Variants in ANKHD1 observed in about 807,000 individuals in gnomAD.
ANKHD1 encodes ankyrin repeat and KH domain-containing protein 1.
A neutral mutation model predicts 230.5 loss-of-function variants in ANKHD1; 31 were observed. The observed-to-expected ratio is 0.13, with a 90% CI of 0.10 to 0.18. The LOEUF is 0.18. Ranked by LOEUF, ANKHD1 falls within the 10% of genes least tolerant of loss-of-function variation. The pLI, the probability that ANKHD1 is intolerant of heterozygous loss-of-function variation, is 1.00. For synonymous variants in ANKHD1, 1,074 were observed against 1,117.6 expected (o/e 0.96, Z 0.78); for missense variants, 2,256 against 3,071.3 (o/e 0.73, Z 6.27).
intron 11 of ANKHD1, among the ~76,000 whole-genome samples, chr5:140,483,452 C>CTTTTTTTT (rs369245406): frequency 9.0e-6 from 1 of 110,610 alleles, no homozygotes; most frequent in Non-Finnish European, 1.9e-5. Context: ...AAGATTTTAT[C>CTTTTTTTT]TTTTTTTTTT....
Position 140,497,091 on chromosome 5 carries a change from T to C in ANKHD1, c.2817T>C (p.Ser939=), listed in dbSNP as rs750351365. The C allele has an allele frequency of 3.1e-6, 5 of 1,614,070 alleles. No individual in the cohort carries two copies. In the African/African-American group the frequency reaches 6.7e-5, roughly 22 times the overall value. Residue 939 remains serine (S), a synonymous_variant, in exon 15 of 34, where the codon AGT becomes AGC. Transcript: ENST00000360839. ...PLSSPQCNFS[S]DLGSNGTNSL... ...CATCTCCACAGTGTAACTTTTCCAGTGACTTAGGTTCTAATGGGACAAATT... is the reference window on the plus strand; with the variant it reads ...CATCTCCACAGTGTAACTTTTCCAGCGACTTAGGTTCTAATGGGACAAATT...
intron 1 of ANKHD1, among the ~76,000 whole-genome samples, chr5:140,407,929 C>T (rs1049495448): frequency 2.6e-5 from 4 of 152,136 alleles, no homozygotes; most frequent in African/African-American, 9.7e-5. Flanking sequence ...GTAATCCCAC[C>T]ACTTTGGGAG....
chr5:140,472,278 G>C, intron 10 of ANKHD1: 1 of 1,613,686 alleles, frequency 6.2e-7, no homozygotes, highest in Non-Finnish European at 8.5e-7. Context: ...GGAGGGCATA[G>C]ATCCGGCCAA....
chr5:140,469,216 C>A (rs1776317698), intron 10 of ANKHD1, among the ~76,000 whole-genome samples: 1 of 150,900 alleles, frequency 6.6e-6, no homozygotes, highest in African/African-American at 2.4e-5. Context: ...CTACAAAAAT[C>A]TTCTTGCCTG....
chr5:140,412,348 A>G (rs1318541477), intron 1 of ANKHD1, among the ~76,000 whole-genome samples: 1 of 151,990 alleles, frequency 6.6e-6, no homozygotes, highest in African/African-American at 2.4e-5. Context: ...TGTAGTTACA[A>G]GGTCTCATTA....
intron 33 of ANKHD1, 104 bp downstream of exon 33, chr5:140,539,187 T>G: frequency 6.6e-7 from 1 of 1,510,742 alleles, no homozygotes; most frequent in South Asian, 1.3e-5. Context: ...AATTGACCAT[T>G]TCGATCTGGA....
intron 1 of ANKHD1, among the ~76,000 whole-genome samples, chr5:140,403,358 G>A (rs1770145649): frequency 1.3e-5 from 2 of 152,028 alleles, no homozygotes; most frequent in African/African-American, 4.8e-5. Flanking sequence ...TTAGGTCTGA[G>A]CAACCTGGGA....
Position 140,441,085 on chromosome 5 carries a change from G to C in ANKHD1, c.856G>C (p.Asp286His). The change falls in exon 5 of 34, where the codon GAT (aspartate) becomes CAT (histidine). Residue 286 changes from aspartate to histidine, a missense_variant. By Grantham distance (81) the Asp-to-His change is moderately conservative (BLOSUM62 -1). Coordinates refer to ENST00000360839, the MANE Select transcript of ANKHD1 (RefSeq NM_017747.3). ...LMAASSGGYLDIVKLLLLHDA... is the reference protein window; with the variant it reads ...LMAASSGGYLHIVKLLLLHDA... ...GGCAGCTTCCAGTGGAGGTTACTTAGATATTGTGAAATTATTACTTCTTCA... is the reference window on the plus strand; with the variant it reads ...GGCAGCTTCCAGTGGAGGTTACTTACATATTGTGAAATTATTACTTCTTCA... The C allele has an allele frequency of 6.2e-7, 1 of 1,610,448 alleles. No homozygotes were observed. The highest frequency in any genetic ancestry group is 8.5e-7 in the Non-Finnish European group (1 of 1,178,710).
intron 14 of ANKHD1, among the ~76,000 whole-genome samples, chr5:140,494,963 G>T (rs1238601173): frequency 6.6e-6 from 1 of 152,030 alleles, no homozygotes; most frequent in African/African-American, 2.4e-5. Context: ...TTACTGAGTT[G>T]TGTAACCATC....
At chr5:140,503,738 T>C (rs1029773743) in intron 15 of ANKHD1, among the ~76,000 whole-genome samples, 1 of 151,680 alleles carries the variant, frequency 6.6e-6, no homozygotes, top group Admixed American at 6.6e-5. Context: ...CAGCTAACTT[T>C]GTGTTTTTAG....
chr5:140,403,410 C>T lies in ANKHD1; in HGVS notation c.306+1137C>T, dbSNP rs143660252. 2.0e-3 allele frequency among the ~76,000 whole-genome samples: 303 copies of T among 151,470 alleles called. 2 individuals are homozygous for T. The highest frequency in any genetic ancestry group is 3.6e-3 in the Non-Finnish European group (246 of 67,858). On this transcript the variant is annotated intron_variant, in intron 1 of 33. Transcript: ENST00000360839. ...CTTTTGGGTTCTGGGGAAAAAGGGG[C>T]GGGTTTTGTTTTTGTTTTTTGAGAT...
intron 7 of ANKHD1, among the ~76,000 whole-genome samples, chr5:140,449,748 A>G (rs1774565227): frequency 7.2e-6 from 1 of 138,884 alleles, no homozygotes; most frequent in African/African-American, 2.7e-5. Context: ...GCTTGAATGC[A>G]TCTGCTTTTG....
At position 140,535,520 on chromosome 5, in the gene ANKHD1, A is replaced by G; in HGVS notation, c.7009A>G (p.Thr2337Ala). 1.9e-6 allele frequency: 3 copies of G among 1,608,128 alleles called. No individual in the cohort carries two copies. The highest frequency in any genetic ancestry group is 2.5e-6 in the Non-Finnish European group (3 of 1,178,154). ...ACAACATTTTTCTCCCCATCCTTGG[A>G]CAAGCGCCTCAAACTCATGTAGGAA... is the stretch of plus-strand genomic sequence containing the variant. The part of the protein sequence containing the change: ...NRQHFSPHPW[T>A]SASNSSTSAP... Residue 2337 changes from threonine to alanine, a missense_variant, in exon 30 of 34, where the codon ACA (threonine) becomes GCA (alanine). Transcript: ENST00000360839.
At chr5:140,464,112 C>T (rs139865778) in intron 9 of ANKHD1, among the ~76,000 whole-genome samples, 3 of 151,710 alleles carry the variant, frequency 2.0e-5, no homozygotes, top group African/African-American at 4.8e-5. Context: ...GGCATGTGCC[C>T]GTGATACCAC....
At chr5:140,497,757 T>C (rs1445228958) in intron 15 of ANKHD1, among the ~76,000 whole-genome samples, 1 of 152,178 alleles carries the variant, frequency 6.6e-6, no homozygotes, top group East Asian at 1.9e-4. Flanking sequence ...AAACTAAGTA[T>C]TCCATATTAT....
At chr5:140,425,129 G>A (rs1382409928) in intron 1 of ANKHD1, among the ~76,000 whole-genome samples, 1 of 152,144 alleles carries the variant, frequency 6.6e-6, no homozygotes, top group Non-Finnish European at 1.5e-5. Flanking sequence ...TAAAAATGAA[G>A]TTTTTGTGTT....
At chr5:140,442,715 C>G (rs1773955800) in intron 5 of ANKHD1, among the ~76,000 whole-genome samples, 1 of 152,090 alleles carries the variant, frequency 6.6e-6, no homozygotes, top group African/African-American at 2.4e-5. Flanking sequence ...ATTGTAAGAA[C>G]ATTTCAGAAA....
In ANKHD1 at chr5:140,445,978, A is replaced by G. The variant is rs772829946; in HGVS notation, c.1147+3A>G. On this transcript the variant is annotated splice_donor_region_variant and intron_variant, in intron 6 of 33. Transcript: ENST00000360839. ...TCTAACACTTGCTTGCTACAAAGGTACTTAATACATGTATGAATATTTATA... is the reference window on the plus strand; with the variant it reads ...TCTAACACTTGCTTGCTACAAAGGTGCTTAATACATGTATGAATATTTATA... 28 of 1,583,988 alleles carry G rather than the reference A, an allele frequency of 1.8e-5. No individual in the cohort carries two copies. The highest frequency in any genetic ancestry group is 1.3e-4 in the South Asian group (11 of 85,394).
At chr5:140,419,898 C>T (rs1231209257) in intron 1 of ANKHD1, among the ~76,000 whole-genome samples, 2 of 67,638 alleles carry the variant, frequency 3.0e-5, no homozygotes, top group Non-Finnish European at 5.8e-5. Context: ...TCCTTCCTTC[C>T]TTCCGTCTGT....
Sources: gnomAD v4.1 joint callset for allele counts (sites outside exome capture counted in the v4.1 genomes callset) on GRCh38, gnomAD v4.1.1 for gene constraint, MANE v1.5 for transcripts, NCBI Gene and HGNC (gene_info 2026-07-23, HGNC 2026-07-21) for gene names.